Variants in RGS8 observed in about 807,000 individuals in gnomAD.
RGS8 encodes regulator of G protein signaling 8, also known as regulator of G-protein signaling 8.
Under a neutral mutation model 21.7 loss-of-function variants are expected in RGS8, and 8 were observed. The ratio of observed to expected loss-of-function variants is 0.37; its 90% CI spans 0.22 to 0.66. The LOEUF (loss-of-function observed/expected upper bound fraction) is 0.66. Among genes scored for constraint, RGS8 ranks in the 30% least tolerant of loss-of-function variants. The pLI, the probability that RGS8 is intolerant of heterozygous loss-of-function variation, is 0.59. For missense variants in RGS8, 157 were observed against 217.9 expected, an observed-to-expected ratio of 0.72 and a Z score of 1.76; for synonymous variants, 80 against 83.6, an observed-to-expected ratio of 0.96 and a Z score of 0.24.
the RGS8 span, chr1:182,714,206 C>T: frequency 6.6e-6 from 1 of 152,210 alleles, no homozygotes; most frequent in African/African-American, 2.4e-5. Context: ...TGACATCACC[C>T]CAGTTACTCT....
At position 182,648,120 on chromosome 1, in the gene RGS8, C is replaced by A. The variant is rs201626419; in HGVS notation, c.360+17G>T. ...AGGAGCCATGGATAGACAGGATGGT[C>A]GCCGCTGCCAACACACCTCCCGTGG... On this transcript the variant is annotated intron_variant, in intron 6 of 6. Transcript: ENST00000483095. 6.3e-7 allele frequency: 1 copy of A among 1,582,764 alleles called. No individual in the cohort carries two copies. The highest frequency in any genetic ancestry group is 8.6e-7 in the Non-Finnish European group (1 of 1,161,088).
chr1:182,683,144 C>A (rs565636746), intron 1 of RGS8, among the ~76,000 whole-genome samples: 4 of 152,340 alleles, frequency 2.6e-5, no homozygotes, highest in African/African-American at 7.2e-5. Context: ...ACTGCCCACT[C>A]ACTTATCACC....
At chr1:182,665,755 C>T (rs1318215518) in intron 5 of RGS8, among the ~76,000 whole-genome samples, 1 of 152,116 alleles carries the variant, frequency 6.6e-6, no homozygotes, top group African/African-American at 2.4e-5. Context: ...TACTTTGAAC[C>T]CAGAAAACAG....
rs373759675 is a variant in RGS8, at chr1:182,646,704, C to T, written c.*31G>A. 4 of 1,578,930 alleles carry T rather than the reference C, an allele frequency of 2.5e-6. No homozygotes were observed. The South Asian group carries it at 4.6e-5, about 18-fold the overall frequency. ...TCTTGGCAGCAAGTGGAGGGGAAAG[C>T]CGGTGATTTCCAGGAGTTCCCTTCT... On this transcript the variant is annotated 3_prime_UTR_variant, in exon 7 of 7. Coordinates refer to ENST00000483095, the Ensembl canonical transcript of RGS8.
the RGS8 span, among the ~76,000 whole-genome samples, chr1:182,726,961 TG>T: frequency 2.0e-3 from 300 of 152,268 alleles, 1 homozygote; most frequent in African/African-American, 7.1e-3. Flanking sequence ...CTTCACCTTC[TG>T]GGGCCATGTA....
the RGS8 span, among the ~76,000 whole-genome samples, chr1:182,727,586 C>T: frequency 1.3e-5 from 2 of 152,068 alleles, no homozygotes; most frequent in Non-Finnish European, 2.9e-5. Context: ...AACTAAAAGC[C>T]GTTCCGAAAG....
At chr1:182,711,562 G>A in the RGS8 span, among the ~76,000 whole-genome samples, 2 of 152,182 alleles carry the variant, frequency 1.3e-5, no homozygotes, top group Middle Eastern at 3.2e-3. Flanking sequence ...AAGTGGCTGG[G>A]AACACATACC....
the RGS8 span, among the ~76,000 whole-genome samples, chr1:182,750,273 A>G: frequency 1.7e-4 from 26 of 152,166 alleles, no homozygotes; most frequent in African/African-American, 6.0e-4. Context: ...AAAAATAAAG[A>G]TGTGGTGAGG....
the RGS8 span, among the ~76,000 whole-genome samples, chr1:182,742,066 G>T: frequency 6.7e-6 from 1 of 149,328 alleles, no homozygotes; most frequent in Middle Eastern, 3.4e-3. Context: ...CCCGGACGGG[G>T]CGGCAGGGCA....
chr1:182,689,302 CA>C (rs1557906954), upstream of RGS8, among the ~76,000 whole-genome samples: 47 of 140,522 alleles, frequency 3.3e-4, no homozygotes, highest in East Asian at 7.9e-4. Context: ...CACACACACA[CA>C]CACCCCACAA....
At chr1:182,708,499 AG>A in the RGS8 span, among the ~76,000 whole-genome samples, 45 of 152,250 alleles carry the variant, frequency 3.0e-4, no homozygotes, top group Admixed American at 2.9e-3. Flanking sequence ...GGCTCAGACA[AG>A]GGGTTTGAAG....
At chr1:182,697,458 T>C in the RGS8 span, among the ~76,000 whole-genome samples, 1 of 152,252 alleles carries the variant, frequency 6.6e-6, no homozygotes, top group African/African-American at 2.4e-5. Flanking sequence ...AGTTCCCTTA[T>C]TCTTAAGTAA....
At chr1:182,705,391 G>A in the RGS8 span, among the ~76,000 whole-genome samples, 1 of 152,170 alleles carries the variant, frequency 6.6e-6, no homozygotes, top group Admixed American at 6.5e-5. Context: ...CAACATGGGA[G>A]AGAGAAATCT....
chr1:182,740,567 T>A, the RGS8 span, among the ~76,000 whole-genome samples: 2 of 135,390 alleles, frequency 1.5e-5, no homozygotes, highest in East Asian at 4.4e-4. Context: ...TTTTTTTTTT[T>A]TTTTTTATTG....
intron 3 of RGS8, 125 bp from the exon 5 acceptor site, chr1:182,667,098 T>C: frequency 2.7e-6 from 2 of 731,200 alleles, no homozygotes; most frequent in Middle Eastern, 7.0e-4. Flanking sequence ...CCAGGTGGTC[T>C]CTGAAGACTT....
At chr1:182,665,936 G>C (rs538631253) in intron 5 of RGS8, 33 bp downstream of exon 6, 3 of 1,568,264 alleles carry the variant, frequency 1.9e-6, no homozygotes, top group African/African-American at 2.7e-5. Context: ...TAGATGATTT[G>C]CCATGTCATG....
chr1:182,716,048 C>T, the RGS8 span, among the ~76,000 whole-genome samples: 5 of 151,990 alleles, frequency 3.3e-5, no homozygotes, highest in Admixed American at 3.3e-4. Flanking sequence ...CTCCCCTGTA[C>T]TTCAAATCAT....
At chr1:182,726,079 T>C in the RGS8 span, among the ~76,000 whole-genome samples, 1 of 151,862 alleles carries the variant, frequency 6.6e-6, no homozygotes. Context: ...TTCTACTCAG[T>C]GGCTTCTCAG....
At chr1:182,658,163 A>G (rs1415770111) in intron 5 of RGS8, among the ~76,000 whole-genome samples, 1 of 152,220 alleles carries the variant, frequency 6.6e-6, no homozygotes, top group Non-Finnish European at 1.5e-5. Flanking sequence ...AGAATCTCCA[A>G]GAACACACCT....
Sources: gnomAD v4.1 joint callset for allele counts (sites outside exome capture counted in the v4.1 genomes callset) on GRCh38, gnomAD v4.1.1 for gene constraint, MANE v1.5 for transcripts, NCBI Gene and HGNC (gene_info 2026-07-23, HGNC 2026-07-21) for gene names.